Variants in XDH observed in about 807,000 individuals in gnomAD.
XDH encodes xanthine dehydrogenase/oxidase.
XDH carries 138 observed loss-of-function variants against 156.1 expected under a neutral mutation model. The ratio of observed to expected loss-of-function variants is 0.88; its 90% CI spans 0.77 to 1.02. The LOEUF (loss-of-function observed/expected upper bound fraction) is 1.02, where lower values mean the gene tolerates loss of function less well. Ranked by LOEUF, XDH falls within the 50% of genes least tolerant of loss-of-function variation. The pLI is 0.00. For missense variants in XDH, 1,849 were observed against 1,684.9 expected, an observed-to-expected ratio of 1.10 and a Z score of -1.71; for synonymous variants, 669 against 625.7, an observed-to-expected ratio of 1.07 and a Z score of -1.03.
chr2:31,391,556 G>A (rs899591188), intron 6 of XDH, among the ~76,000 whole-genome samples: 29 of 152,166 alleles, frequency 1.9e-4, no homozygotes, highest in African/African-American at 7.0e-4. Flanking sequence ...CTGGGATTTT[G>A]ATTGGGATTG....
At chr2:31,382,852 T>C (rs45628440) in intron 11 of XDH, 149 bp downstream of exon 11, 1 of 1,164,352 alleles carries the variant, frequency 8.6e-7, no homozygotes, top group Non-Finnish European at 1.2e-6. Context: ...GGCCCAGGAA[T>C]CTGCACTTTA....
intron 13 of XDH, among the ~76,000 whole-genome samples, chr2:31,378,044 GAGAA>G (rs1367312537): frequency 1.8e-5 from 2 of 113,232 alleles, no homozygotes; most frequent in Admixed American, 1.9e-4. Flanking sequence ...AGAGAAGAAA[GAGAA>G]AGAAAGGAAG....
intron 2 of XDH, 104 bp downstream of exon 2, chr2:31,405,803 C>T (rs896187439): frequency 2.3e-4 from 312 of 1,349,522 alleles, no homozygotes; most frequent in Middle Eastern, 1.8e-4. Flanking sequence ...CTTTCCTCCA[C>T]ACCTCAAGGC....
In XDH at chr2:31,348,908, A is replaced by T; in HGVS notation, c.3042T>A (p.Phe1014Leu). The T allele has an allele frequency of 1.2e-6, 2 of 1,613,106 alleles. No homozygotes were observed. The highest frequency in any genetic ancestry group is 1.1e-5 in the South Asian group (1 of 91,062). Residue 1014 changes from phenylalanine (F) to leucine (L), a missense_variant, in exon 27 of 36, where the codon TTT becomes TTA. By Grantham distance (22) the Phe-to-Leu change is conservative. Coordinates refer to ENST00000379416, the MANE Select transcript of XDH (RefSeq NM_000379.4). ...TKFGISFTVP[F>L]LNQAGALLHV... is the part of the protein sequence containing the mutation. Reference sequence around the variant, plus strand: ...TCTATAAAGCAATTACCTGATTCAGAAAAGGAACTGTAAAGCTTATTCCAA... The same window carrying T: ...TCTATAAAGCAATTACCTGATTCAGTAAAGGAACTGTAAAGCTTATTCCAA...
chr2:31,403,274 G>A lies in XDH; in HGVS notation c.101-130C>T, dbSNP rs371914824. ...GTGCTCAGGCCCCTCAACCAAGGAA[G>A]GCAGCAGGCCCACTGGCCTCCTTAT... is the stretch of plus-strand genomic sequence containing the variant. On this transcript the variant is annotated intron_variant, in intron 2 of 35. Transcript: ENST00000379416. 1.4e-4 allele frequency: 135 copies of A among 969,256 alleles called. No homozygotes were observed. The East Asian group carries it at 1.5e-3, about 11-fold the overall frequency. 60.0% of individuals were successfully genotyped at this position (969,256 alleles called of 1,614,324 possible). A position where few individuals can be genotyped will look rare whatever the true frequency, so the allele number is the denominator to read the frequency against.
intron 33 of XDH, 59 bp from the exon 34 acceptor site, chr2:31,339,736 C>T: frequency 1.3e-6 from 2 of 1,595,100 alleles, no homozygotes; most frequent in Non-Finnish European, 8.5e-7. Context: ...GGACAGATAC[C>T]ACTTGCCACA....
intron 30 of XDH, among the ~76,000 whole-genome samples, chr2:31,345,038 A>G (rs1685244322): frequency 6.6e-6 from 1 of 152,122 alleles, no homozygotes; most frequent in African/African-American, 2.4e-5. Context: ...CCTACTCTAG[A>G]GCTTTCCACG....
rs760730971 is a variant in XDH, at chr2:31,375,505, C to G, written c.1477G>C (p.Glu493Gln). 5.6e-6 allele frequency: 9 copies of G among 1,614,088 alleles called. No homozygotes were observed. The highest frequency in any genetic ancestry group is 7.6e-6 in the Non-Finnish European group (9 of 1,180,036). Residue 493 changes from glutamate to glutamine, a missense_variant, in exon 15 of 36, where the codon GAG (glutamate) becomes CAG (glutamine). By Grantham distance (29) the Glu-to-Gln change is conservative. Coordinates refer to ENST00000379416, the MANE Select transcript of XDH (RefSeq NM_000379.4). ...GGGGCATCGGGAGGCAGATGCAGCT[C>G]CTCTGCCAGTCCTGCACACACGTCC... ...LQDVCAGLAE[E>Q]LHLPPDAPGG...
rs535915056 is a variant in XDH at position 31,388,175 on chromosome 2, C to T, written c.564+52G>A. The T allele has an allele frequency of 1.9e-5, 31 of 1,598,816 alleles. No homozygotes were observed. The Admixed American group carries it at 3.5e-4, about 18-fold the overall frequency. On this transcript the variant is annotated intron_variant, in intron 7 of 35. Transcript: ENST00000379416. The stretch of plus-strand genomic sequence containing the variant: ...GGACATGGAGCTCGTGCACTGACTC[C>T]TCTAAGTCTCAGATTACCCCCAGGC...
At chr2:31,409,888 G>A (rs560567605) in intron 1 of XDH, among the ~76,000 whole-genome samples, 2 of 152,240 alleles carry the variant, frequency 1.3e-5, no homozygotes, top group Admixed American at 6.5e-5. Context: ...TTCCACTTCT[G>A]GATTTATACC....
chr2:31,337,804 G>C lies in XDH; in HGVS notation c.3788C>G (p.Pro1263Arg). The C allele has an allele frequency of 1.2e-6, 2 of 1,614,058 alleles. No individual in the cohort carries two copies. Among genetic ancestry groups the C allele is most frequent in the South Asian group, 2.2e-5 (2 of 91,056 alleles). The change falls in exon 35 of 36, where the codon CCG becomes CGG. Residue 1263 changes from proline (P) to arginine (R), a missense_variant. Transcript: ENST00000379416. Reference protein sequence around the residue: ...AIYASKAVGEPPLFLAASIFF... With the variant: ...AIYASKAVGERPLFLAASIFF... ...GATAGAAGCAGCCAGGAAGAGGGGC[G>C]GCTCTCCAACAGCCTGAACACAGAC...
intron 6 of XDH, 101 bp from the exon 7 acceptor site, chr2:31,388,396 G>A (rs1427581238): frequency 6.1e-5 from 80 of 1,304,806 alleles, no homozygotes; most frequent in South Asian, 7.3e-5. Flanking sequence ...CAGCTCTGAC[G>A]CCTGTCCCAG....
rs530918476 is a variant in XDH at position 31,399,935 on chromosome 2, A to C, written c.307-1236T>G. 9.8e-5 allele frequency among the ~76,000 whole-genome samples: 15 copies of C among 152,310 alleles called. No individual in the cohort carries two copies. The South Asian group carries it at 2.9e-3, about 30-fold the overall frequency. ...ACTAATACTTGACTCCTATGTTTAA[A>C]CTGTTTATTCTTTCTTTCATCTGTT... On this transcript the variant is annotated intron_variant, in intron 4 of 35. Coordinates refer to ENST00000379416, the MANE Select transcript of XDH (RefSeq NM_000379.4).
At chr2:31,404,395 G>A (rs1158991487) in intron 2 of XDH, among the ~76,000 whole-genome samples, 2 of 152,172 alleles carry the variant, frequency 1.3e-5, no homozygotes, top group Admixed American at 6.5e-5. Flanking sequence ...GGAAGCTAGT[G>A]TAAAAGTCAA....
At chr2:31,399,229 T>G (rs1031879480) in intron 4 of XDH, among the ~76,000 whole-genome samples, 1 of 152,192 alleles carries the variant, frequency 6.6e-6, no homozygotes, top group African/African-American at 2.4e-5. Context: ...AGTTTGAGAT[T>G]AGACATCCGT....
In XDH at chr2:31,369,260, T is replaced by C. The variant is rs184071847; in HGVS notation, c.1981-600A>G. Among the ~76,000 whole-genome samples the C allele has an allele frequency of 3.0e-4, 46 of 152,270 alleles. No individual in the cohort carries two copies. The South Asian group carries it at 8.3e-3, about 27-fold the overall frequency. On this transcript the variant is annotated intron_variant, in intron 18 of 35. Coordinates refer to ENST00000379416, the MANE Select transcript of XDH (RefSeq NM_000379.4). ...TAAGTATCATGTCTTATACTTCAAC[T>C]AATACCCAAAAGCAGTAGCTCTCAA... is the stretch of plus-strand genomic sequence containing the variant.
chr2:31,338,920 T>C (rs1014241382), intron 34 of XDH, among the ~76,000 whole-genome samples: 2 of 151,808 alleles, frequency 1.3e-5, no homozygotes, highest in African/African-American at 4.8e-5. Context: ...AGATGGGGTT[T>C]TGCCATGTTG....
Position 31,335,529 on chromosome 2 carries a change from G to T in XDH, c.*429C>A, listed in dbSNP as rs1684950153. On this transcript the variant is annotated 3_prime_UTR_variant, in exon 36 of 36. Coordinates refer to ENST00000379416, the MANE Select transcript of XDH (RefSeq NM_000379.4). ...TGCTTTGCTGTTCATTGGTTTGAAG[G>T]CCAGGCTTTCACAGGAAGGCACACG... is the stretch of plus-strand genomic sequence containing the variant. 1 of 272,640 alleles carries T rather than the reference G, an allele frequency of 3.7e-6. No homozygotes were observed. Among genetic ancestry groups the T allele is most frequent in the African/African-American group, 2.2e-5 (1 of 45,528 alleles). The allele number at this position is 272,640 out of a possible 1,614,324, so 16.9% of individuals were successfully genotyped here. A position where few individuals can be genotyped will look rare whatever the true frequency, so the allele number is the denominator to read the frequency against.
chr2:31,347,362 G>C (rs1192408251), intron 29 of XDH, among the ~76,000 whole-genome samples, 160 bp downstream of exon 29: 1 of 152,184 alleles, frequency 6.6e-6, no homozygotes, highest in Admixed American at 6.5e-5. Flanking sequence ...CTTTTAGCTT[G>C]AGGTTTGGAG....
Sources: allele counts gnomAD v4.1 joint callset (sites outside exome capture counted in the v4.1 genomes callset), GRCh38; gene constraint gnomAD v4.1.1; transcripts MANE v1.5; gene names NCBI Gene and HGNC (gene_info 2026-07-23, HGNC 2026-07-21).